The following GALNT13 variants were observed in gnomAD, a reference collection of about 807,000 sequenced individuals.
The protein encoded by GALNT13 is polypeptide N-acetylgalactosaminyltransferase 13, also known as UDP-GalNAc:polypeptide N-acetylgalactosaminyltransferase 13.
A neutral mutation model predicts 64.2 loss-of-function variants in GALNT13; 28 were observed. The ratio of observed to expected loss-of-function variants is 0.44; its 90% CI spans 0.32 to 0.60. GALNT13 has a LOEUF of 0.60. Among genes scored for constraint, GALNT13 ranks in the 20% least tolerant of loss-of-function variants. The pLI is 0.05. For missense variants in GALNT13, 577 were observed against 669.8 expected (o/e 0.86, Z 1.53); for synonymous variants, 214 against 224.6 (o/e 0.95, Z 0.42).
chr2:154,066,600 A>C (rs893409927), intron 3 of GALNT13, among the ~76,000 whole-genome samples: 1 of 151,992 alleles, frequency 6.6e-6, no homozygotes, highest in African/African-American at 2.4e-5. Context: ...TGAAGGAAAA[A>C]GCATTTTGCC....
At chr2:153,469,657 T>C in the GALNT13 span, among the ~76,000 whole-genome samples, 2 of 152,022 alleles carry the variant, frequency 1.3e-5, no homozygotes, top group Non-Finnish European at 2.9e-5. Context: ...AATAAAGTAT[T>C]TCATGTGCTT....
At chr2:154,396,995 A>G (rs911923621) in intron 10 of GALNT13, among the ~76,000 whole-genome samples, 1 of 150,582 alleles carries the variant, frequency 6.6e-6, no homozygotes, top group African/African-American at 2.4e-5. Context: ...ATGATTATAT[A>G]TAATATATTC....
intron 1 of GALNT13, among the ~76,000 whole-genome samples, chr2:153,877,271 G>A (rs151146956): frequency 3.7e-4 from 57 of 152,232 alleles, no homozygotes; most frequent in African/African-American, 1.1e-3. Context: ...TTAACATGAA[G>A]AGGAATTAAT....
intron 2 of GALNT13, among the ~76,000 whole-genome samples, chr2:153,922,190 G>A (rs1490876985): frequency 1.3e-5 from 2 of 152,074 alleles, no homozygotes; most frequent in East Asian, 1.9e-4. Context: ...TACTGATTAT[G>A]GTTTTTTGCA....
the GALNT13 span, among the ~76,000 whole-genome samples, chr2:153,403,998 C>A: frequency 1.3e-5 from 2 of 152,276 alleles, no homozygotes; most frequent in East Asian, 3.9e-4. Flanking sequence ...CAAATTAGGT[C>A]CAAGTTTGGG....
At chr2:153,562,478 G>A in the GALNT13 span, among the ~76,000 whole-genome samples, 394 of 151,996 alleles carry the variant, frequency 2.6e-3, no homozygotes, top group African/African-American at 9.1e-3. Context: ...TGTAATAGAC[G>A]TCTTTTGTCA....
chr2:154,187,796 A>G (rs746210133), intron 4 of GALNT13, among the ~76,000 whole-genome samples: 9 of 152,178 alleles, frequency 5.9e-5, no homozygotes, highest in Non-Finnish European at 1.3e-4. Context: ...GCATTTTTTA[A>G]TGTTATAATT....
intron 10 of GALNT13, 107 bp from the exon 11 acceptor site, chr2:154,408,877 A>C (rs2105392031): frequency 1.4e-6 from 1 of 701,724 alleles, no homozygotes; most frequent in South Asian, 1.7e-5. Context: ...TTTCTTATGA[A>C]GTTGTATTAT....
chr2:153,403,759 G>A, the GALNT13 span, among the ~76,000 whole-genome samples: 2 of 152,162 alleles, frequency 1.3e-5, no homozygotes, highest in East Asian at 3.9e-4. Context: ...CGCTTCCCAA[G>A]TGAGGCAATG....
chr2:154,331,789 A>G (rs1461306613), intron 9 of GALNT13, among the ~76,000 whole-genome samples: 1 of 151,964 alleles, frequency 6.6e-6, no homozygotes, highest in Non-Finnish European at 1.5e-5. Flanking sequence ...GACTTTTTAA[A>G]CTTTTTTTTT....
intron 9 of GALNT13, among the ~76,000 whole-genome samples, chr2:154,382,437 A>G (rs996413628): frequency 8.5e-5 from 13 of 152,086 alleles, no homozygotes; most frequent in Non-Finnish European, 1.3e-4. Flanking sequence ...TTTGAAGTGT[A>G]TCTTATGTAT....
chr2:153,124,557 G>T, the GALNT13 span, among the ~76,000 whole-genome samples: 6 of 152,278 alleles, frequency 3.9e-5, no homozygotes, highest in Non-Finnish European at 8.8e-5. Flanking sequence ...CCAGGCTGGA[G>T]TGCAGTGGCG....
intron 2 of GALNT13, among the ~76,000 whole-genome samples, chr2:153,908,745 G>T (rs1381303352): frequency 1.3e-5 from 2 of 151,556 alleles, no homozygotes; most frequent in African/African-American, 4.8e-5. Flanking sequence ...TATTCCATTG[G>T]CCTATATGTC....
At chr2:154,068,816 A>G (rs535985990) in intron 3 of GALNT13, among the ~76,000 whole-genome samples, 1 of 152,174 alleles carries the variant, frequency 6.6e-6, no homozygotes, top group South Asian at 2.1e-4. Flanking sequence ...TGATAACACA[A>G]CAGGGTGACT....
chr2:153,199,906 G>A, the GALNT13 span, among the ~76,000 whole-genome samples: 1 of 152,218 alleles, frequency 6.6e-6, no homozygotes, highest in Non-Finnish European at 1.5e-5. Context: ...AATGTAATTA[G>A]TGTTAAATAA....
At chr2:153,861,391 T>C in the GALNT13 span, among the ~76,000 whole-genome samples, 2 of 152,168 alleles carry the variant, frequency 1.3e-5, no homozygotes, top group African/African-American at 4.8e-5. Flanking sequence ...ACCCTTGGCC[T>C]GAGAAGGAAT....
chr2:153,411,517 A>G, the GALNT13 span, among the ~76,000 whole-genome samples: 1 of 152,180 alleles, frequency 6.6e-6, no homozygotes, highest in Admixed American at 6.5e-5. Context: ...ATGAGAATGT[A>G]TGCATGACAC....
the GALNT13 span, among the ~76,000 whole-genome samples, chr2:153,610,888 G>A: frequency 6.6e-6 from 1 of 151,718 alleles, no homozygotes; most frequent in Non-Finnish European, 1.5e-5. Flanking sequence ...AAGAAAGAAG[G>A]AAATAAATTT....
At chr2:153,708,470 T>C in the GALNT13 span, among the ~76,000 whole-genome samples, 3 of 152,178 alleles carry the variant, frequency 2.0e-5, no homozygotes, top group Admixed American at 2.0e-4. Flanking sequence ...CTTTATTTTA[T>C]AGATATGCAT....
Sources: gnomAD v4.1 joint callset for allele counts (sites outside exome capture counted in the v4.1 genomes callset) on GRCh38, gnomAD v4.1.1 for gene constraint, MANE v1.5 for transcripts, NCBI Gene and HGNC (gene_info 2026-07-23, HGNC 2026-07-21) for gene names.